AHNAK: variants seen among roughly 807,000 people sequenced by gnomAD.
AHNAK encodes the protein neuroblast differentiation-associated protein AHNAK.
A neutral mutation model predicts 37.8 loss-of-function variants in AHNAK; 23 were observed. The ratio of observed to expected loss-of-function variants is 0.61; its 90% CI spans 0.44 to 0.86. The LOEUF (loss-of-function observed/expected upper bound fraction) is 0.86. Among genes scored for constraint, AHNAK ranks in the 40% least tolerant of loss-of-function variants. The probability of loss-of-function intolerance (pLI) is 0.00; values close to 1 mark genes in which losing one functional copy is unlikely to be tolerated. For missense variants in AHNAK, 7,411 were observed against 7,319.4 expected (o/e 1.01, Z -0.46); for synonymous variants, 2,481 against 2,636.3 (o/e 0.94, Z 1.80).
intron 5 of AHNAK, among the ~76,000 whole-genome samples, chr11:62,482,802 G>A (rs1327788766): frequency 6.6e-6 from 1 of 152,118 alleles, no homozygotes; most frequent in African/African-American, 2.4e-5. Flanking sequence ...AAGAGGAACA[G>A]GAACATTTTA....
chr11:62,526,023 T>C lies in AHNAK; in HGVS notation c.8394A>G (p.Ser2798=), dbSNP rs149097134. The change falls in exon 5 of 5, where the codon TCA becomes TCG. Residue 2798 remains serine (S), a synonymous_variant. Transcript: ENST00000378024. The part of the protein sequence containing the change: ...VNLPKADIDV[S]GPKVDVECPD... ...GACATTCAACATCCACTTTCGGTCC[T>C]GAGACATCAATGTCAGCCTTGGGCA... The C allele has an allele frequency of 6.8e-6, 11 of 1,613,824 alleles. No homozygotes were observed. The African/African-American group carries it at 1.2e-4, about 18-fold the overall frequency.
intron 5 of AHNAK, among the ~76,000 whole-genome samples, chr11:62,472,191 G>C (rs1174182992): frequency 3.9e-5 from 6 of 151,946 alleles, no homozygotes; most frequent in Non-Finnish European, 8.8e-5. Context: ...CCTGCCTCTA[G>C]ACCTAGAGTG....
In AHNAK at chr11:62,516,075, A is replaced by G; in HGVS notation, c.*669T>C. 6 of 1,220,096 alleles carry G rather than the reference A, an allele frequency of 4.9e-6. No homozygotes were observed. The highest frequency in any genetic ancestry group is 6.3e-6 in the Non-Finnish European group (6 of 953,376). The allele number at this position is 1,220,096 out of a possible 1,614,324, so 75.6% of individuals were successfully genotyped here. ...ATGAAGGAAACAGTTCCCTTACAAA[A>G]CACAGAAAATGGAAGCCCCTCATGT... On this transcript the variant is annotated 3_prime_UTR_variant, in exon 5 of 5. Coordinates refer to ENST00000378024, the MANE Select transcript of AHNAK (RefSeq NM_001620.3).
chr11:62,448,251 G>A lies in AHNAK; in HGVS notation c.443-14360C>T, dbSNP rs371013922. ...TGTAAGCCACAGGAAGATGGTGGTT[G>A]TTATGCTGAGTGTGGCTGGAAGTCA... On this transcript the variant is annotated intron_variant, in intron 5 of 5. Coordinates refer to the AHNAK transcript ENST00000257247. Among the ~76,000 whole-genome samples the A allele has an allele frequency of 7.5e-4, 114 of 152,286 alleles. No homozygotes were observed. The South Asian group carries it at 0.023, about 31-fold the overall frequency.
At chr11:62,490,163 C>T (rs967642878) in intron 5 of AHNAK, among the ~76,000 whole-genome samples, 3 of 148,488 alleles carry the variant, frequency 2.0e-5, no homozygotes, top group African/African-American at 7.4e-5. Context: ...AAGAGGGGTT[C>T]GGGCTTGAGG....
rs374498420 is a variant in AHNAK at position 62,517,844 on chromosome 11, C to A, written c.16573G>T (p.Gly5525Cys). Reference protein sequence around the residue: ...TGQISGPEIKGGLKGSEVGFH... With the variant: ...TGQISGPEIKCGLKGSEVGFH... Reference sequence around the variant, plus strand: ...CCTACTTCTGAACCTTTCAGACCACCTTTGATTTCAGGCCCAGAAATCTGC... The same window carrying A: ...CCTACTTCTGAACCTTTCAGACCACATTTGATTTCAGGCCCAGAAATCTGC... The change falls in exon 5 of 5, where the codon GGT becomes TGT. Residue 5525 changes from glycine (G) to cysteine (C), a missense_variant. Physicochemically the swap from Gly to Cys is radical, Grantham distance 159. Coordinates refer to ENST00000378024, the MANE Select transcript of AHNAK (RefSeq NM_001620.3). The A allele has an allele frequency of 1.9e-5, 31 of 1,614,064 alleles. No homozygotes were observed. The Middle Eastern group carries it at 4.9e-4, about 26-fold the overall frequency.
intron 1 of AHNAK, chr11:62,541,775 G>C (rs1253784436): frequency 6.6e-6 from 1 of 152,202 alleles, no homozygotes; most frequent in African/African-American, 2.4e-5. Context: ...AAGATGACTT[G>C]CCCAAGTGTG....
intron 5 of AHNAK, among the ~76,000 whole-genome samples, chr11:62,449,637 T>C (rs891550043): frequency 4.6e-5 from 7 of 152,202 alleles, no homozygotes; most frequent in African/African-American, 1.7e-4. Context: ...CCAGGCAGTT[T>C]CAAAGCTAAA....
In AHNAK at chr11:62,521,667, C is replaced by A. The variant is rs757789751; in HGVS notation, c.12750G>T (p.Met4250Ile). The change falls in exon 5 of 5, where the codon ATG (methionine) becomes ATT (isoleucine). Residue 4250 changes from methionine (M) to isoleucine (I), a missense_variant. Met to Ile is a conservative substitution (Grantham distance 10). Coordinates refer to ENST00000378024, the MANE Select transcript of AHNAK (RefSeq NM_001620.3). Reference protein sequence around the residue: ...LKGPKFKMPEMNIKAPKISMP... With the variant: ...LKGPKFKMPEINIKAPKISMP... Reference sequence around the variant, plus strand: ...TGGAGATCTTGGGGGCTTTGATGTTCATCTCAGGCATCTTGAATTTAGGGC... The same window carrying A: ...TGGAGATCTTGGGGGCTTTGATGTTAATCTCAGGCATCTTGAATTTAGGGC... 2 of 1,613,980 alleles carry A rather than the reference C, an allele frequency of 1.2e-6. No homozygotes were observed. Among genetic ancestry groups the A allele is most frequent in the South Asian group, 1.1e-5 (1 of 91,068 alleles).
chr11:62,450,997 G>A (rs982968588), intron 5 of AHNAK, among the ~76,000 whole-genome samples: 5 of 151,584 alleles, frequency 3.3e-5, no homozygotes, highest in African/African-American at 7.2e-5. Flanking sequence ...GAGATGAGAC[G>A]GAGACCCATC....
At position 62,521,488 on chromosome 11, in the gene AHNAK, G is replaced by A; in HGVS notation, c.12929C>T (p.Pro4310Leu). ...IDAPDVDVHGPDWHLKMPKVK... is the reference protein window; with the variant it reads ...IDAPDVDVHGLDWHLKMPKVK... The stretch of plus-strand genomic sequence containing the variant: ...CTTGGGCATCTTCAGGTGCCAGTCT[G>A]GGCCATGAACATCTACATCAGGGGC... The change falls in exon 5 of 5, where the codon CCA becomes CTA. Residue 4310 changes from proline to leucine, a missense_variant. Transcript: ENST00000378024. 1 of 1,612,832 alleles carries A rather than the reference G, an allele frequency of 6.2e-7. No homozygotes were observed. The highest frequency in any genetic ancestry group is 1.1e-5 in the South Asian group (1 of 91,018).
At position 62,529,932 on chromosome 11, in the gene AHNAK, A is replaced by T; in HGVS notation, c.4485T>A (p.Asn1495Lys). The change falls in exon 5 of 5, where the codon AAT (asparagine) becomes AAA (lysine). Residue 1495 changes from asparagine (N) to lysine (K), a missense_variant. Asn to Lys is a moderately conservative substitution (Grantham distance 94). Coordinates refer to ENST00000378024, the MANE Select transcript of AHNAK (RefSeq NM_001620.3). ...VDIKGPKVDI[N>K]APDVEVHGPD... is the part of the protein sequence containing the mutation. ...GGCCATGAACCTCCACATCTGGTGC[A>T]TTAATATCAACTTTGGGGCCTTTGA... 6.2e-7 allele frequency: 1 copy of T among 1,612,480 alleles called. No homozygotes were observed. The highest frequency in any genetic ancestry group is 8.5e-7 in the Non-Finnish European group (1 of 1,179,622).
Position 62,525,360 on chromosome 11 carries a change from G to T in AHNAK, c.9057C>A (p.His3019Gln), listed in dbSNP as rs377113575. Residue 3019 changes from histidine (H) to glutamine (Q), a missense_variant, in exon 5 of 5, where the codon CAC (histidine) becomes CAA (glutamine). Physicochemically the swap from His to Gln is conservative, Grantham distance 24. Coordinates refer to ENST00000378024, the MANE Select transcript of AHNAK (RefSeq NM_001620.3). ...GCATTTTCACTTTGGGCATTTTTAG[G>T]TGCCAGTCTGGGCCTTGAACGCCCA... ...PDVGVQGPDWHLKMPKVKMPK... is the reference protein window; with the variant it reads ...PDVGVQGPDWQLKMPKVKMPK... 2 of 1,612,926 alleles carry T rather than the reference G, an allele frequency of 1.2e-6. No homozygotes were observed. Among genetic ancestry groups the T allele is most frequent in the Non-Finnish European group, 1.7e-6 (2 of 1,179,796 alleles).
chr11:62,529,962 A>C lies in AHNAK; in HGVS notation c.4455T>G (p.Val1485=). 6.2e-7 allele frequency: 1 copy of C among 1,613,116 alleles called. No individual in the cohort carries two copies. Among genetic ancestry groups the C allele is most frequent in the Admixed American group, 1.7e-5 (1 of 59,898 alleles). The change falls in exon 5 of 5, where the codon GTT becomes GTG. Residue 1485 remains valine (V), a synonymous_variant. Transcript: ENST00000378024. The part of the protein sequence containing the change: ...KVEGEIKAPD[V]DIKGPKVDIN... ...TATCAACTTTGGGGCCTTTGATGTC[A>C]ACATCAGGAGCTTTTATCTCTCCTT...
At position 62,527,103 on chromosome 11, in the gene AHNAK, G is replaced by A. The variant is rs1940520981; in HGVS notation, c.7314C>T (p.Gly2438=). The A allele has an allele frequency of 1.9e-6, 3 of 1,613,722 alleles. No individual in the cohort carries two copies. Among genetic ancestry groups the A allele is most frequent in the Non-Finnish European group, 2.5e-6 (3 of 1,179,924 alleles). ...GCATATCAGGCATCTTGAACTTAGGGCCTTTCAATTTGCCCTCTGGTCCCT... is the reference window on the plus strand; with the variant it reads ...GCATATCAGGCATCTTGAACTTAGGACCTTTCAATTTGCCCTCTGGTCCCT... ...DIEGPEGKLK[G]PKFKMPDMHF... The change falls in exon 5 of 5, where the codon GGC becomes GGT. Residue 2438 remains glycine, a synonymous_variant. Transcript: ENST00000378024.
At chr11:62,505,928 C>A (rs1283349109) in intron 4 of AHNAK, among the ~76,000 whole-genome samples, 1 of 145,930 alleles carries the variant, frequency 6.9e-6, no homozygotes, top group Non-Finnish European at 1.5e-5. Context: ...TGGCTCATGT[C>A]TGTAATCCCG....
Position 62,522,814 on chromosome 11 carries a change from A to G in AHNAK, c.11603T>C (p.Ile3868Thr). Residue 3868 changes from isoleucine to threonine, a missense_variant, in exon 5 of 5, where the codon ATC (isoleucine) becomes ACC (threonine). By Grantham distance (89) the Ile-to-Thr change is moderately conservative. Transcript: ENST00000378024. ...GPKFKMPEMN[I>T]KAPKISMPDI... ...AGGCATGGAGATCTTGGGGGCTTTG[A>G]TGTTCATCTCAGGCATCTTGAATTT... 6.2e-7 allele frequency: 1 copy of G among 1,613,558 alleles called. No homozygotes were observed. Among genetic ancestry groups the G allele is most frequent in the African/African-American group, 1.3e-5 (1 of 74,780 alleles).
At chr11:62,545,193 T>A (rs956509609) in intron 1 of AHNAK, among the ~76,000 whole-genome samples, 6 of 152,036 alleles carry the variant, frequency 3.9e-5, no homozygotes, top group Middle Eastern at 3.2e-3. Context: ...AGCACCTCAC[T>A]GCCACGGTCG....
At chr11:62,491,451 AC>A (rs1734128246) in intron 5 of AHNAK, among the ~76,000 whole-genome samples, 1 of 152,160 alleles carries the variant, frequency 6.6e-6, no homozygotes, top group Admixed American at 6.5e-5. Context: ...TGGATATTCC[AC>A]GGCAGCCCTC....
Sources: allele counts gnomAD v4.1 joint callset (sites outside exome capture counted in the v4.1 genomes callset), GRCh38; gene constraint gnomAD v4.1.1; transcripts MANE v1.5; gene names NCBI Gene and HGNC (gene_info 2026-07-23, HGNC 2026-07-21).